DOCK3: variants seen among roughly 807,000 people sequenced by gnomAD.
The protein encoded by DOCK3 is dedicator of cytokinesis 3, also known as dedicator of cytokinesis protein 3.
A neutral mutation model predicts 265.6 loss-of-function variants in DOCK3; 60 were observed. That is an observed-to-expected ratio of 0.23 (90% CI 0.18 to 0.28). The LOEUF (loss-of-function observed/expected upper bound fraction) is 0.28, where lower values mean the gene tolerates loss of function less well. Among genes scored for constraint, DOCK3 ranks in the 10% least tolerant of loss-of-function variants. The pLI, the probability that DOCK3 is intolerant of heterozygous loss-of-function variation, is 1.00. For missense variants in DOCK3, 1,981 were observed against 2,594.3 expected, an observed-to-expected ratio of 0.76 and a Z score of 5.14; for synonymous variants, 881 against 938.0, an observed-to-expected ratio of 0.94 and a Z score of 1.11.
chr3:51,030,036 G>A (rs924426339), intron 5 of DOCK3, among the ~76,000 whole-genome samples: 2 of 152,026 alleles, frequency 1.3e-5, no homozygotes, highest in Non-Finnish European at 2.9e-5. Context: ...GAGGGGGAAG[G>A]GGAGGAGGAA....
At chr3:51,131,291 G>T (rs897505232) in intron 9 of DOCK3, among the ~76,000 whole-genome samples, 2 of 152,028 alleles carry the variant, frequency 1.3e-5, no homozygotes. Context: ...TGACATTTTG[G>T]GTCCCCTGGA....
intron 5 of DOCK3, among the ~76,000 whole-genome samples, chr3:50,979,013 G>T (rs908813657): frequency 6.6e-6 from 1 of 152,188 alleles, no homozygotes; most frequent in Non-Finnish European, 1.5e-5. Flanking sequence ...CTCGCGTACG[G>T]TGCGCACACC....
chr3:51,097,356 G>A (rs548014882), intron 9 of DOCK3, among the ~76,000 whole-genome samples: 2 of 152,326 alleles, frequency 1.3e-5, no homozygotes, highest in African/African-American at 4.8e-5. Context: ...TTTGAGGAGC[G>A]CAGTGGGCTC....
chr3:50,873,646 C>G (rs183173026), intron 3 of DOCK3, among the ~76,000 whole-genome samples: 52 of 152,318 alleles, frequency 3.4e-4, no homozygotes, highest in Admixed American at 8.5e-4. Context: ...GTGGCCTAAA[C>G]TGCCTTTTAA....
intron 5 of DOCK3, among the ~76,000 whole-genome samples, chr3:51,061,581 A>T (rs1414290452): frequency 6.6e-6 from 1 of 151,732 alleles, no homozygotes; most frequent in African/African-American, 2.4e-5. Context: ...GAGAGGGGGG[A>T]GGGATAGCAT....
chr3:51,032,452 G>T (rs1039617306), intron 5 of DOCK3, among the ~76,000 whole-genome samples: 1 of 151,988 alleles, frequency 6.6e-6, no homozygotes, highest in African/African-American at 2.4e-5. Context: ...TGGTATTCTT[G>T]TTTTGAAGTT....
chr3:50,989,634 C>G (rs1053681268), intron 5 of DOCK3, among the ~76,000 whole-genome samples: 2 of 146,482 alleles, frequency 1.4e-5, no homozygotes, highest in Non-Finnish European at 3.0e-5. Context: ...GTGAAAACAT[C>G]CAGAAAAGTC....
At chr3:50,687,769 A>T (rs1227867465) in intron 1 of DOCK3, among the ~76,000 whole-genome samples, 1 of 152,182 alleles carries the variant, frequency 6.6e-6, no homozygotes, top group African/African-American at 2.4e-5. Context: ...CATTCCATCT[A>T]TGCATATACT....
At chr3:51,238,550 T>A (rs2078451516) in intron 21 of DOCK3, among the ~76,000 whole-genome samples, 1 of 152,182 alleles carries the variant, frequency 6.6e-6, no homozygotes, top group Non-Finnish European at 1.5e-5. Context: ...GATTATTTCA[T>A]CACCTAGGTA....
intron 1 of DOCK3, among the ~76,000 whole-genome samples, chr3:50,694,651 A>T (rs2035488556): frequency 6.6e-6 from 1 of 152,092 alleles, no homozygotes; most frequent in Non-Finnish European, 1.5e-5. Context: ...TCTACTAAAA[A>T]AATACAAAAA....
At chr3:51,297,261 T>G (rs1455142910) in intron 27 of DOCK3, among the ~76,000 whole-genome samples, 1 of 152,032 alleles carries the variant, frequency 6.6e-6, no homozygotes, top group African/African-American at 2.4e-5. Flanking sequence ...GAAAATGTAG[T>G]ATATCTTGTT....
chr3:51,229,417 C>T (rs1346786232), intron 18 of DOCK3, 95 bp from the exon 19 acceptor site: 2 of 855,996 alleles, frequency 2.3e-6, no homozygotes, highest in African/African-American at 1.8e-5. Flanking sequence ...TACAACCGCA[C>T]TCCAGCCTGG....
chr3:51,297,499 C>T (rs781597525), intron 27 of DOCK3, among the ~76,000 whole-genome samples: 2 of 152,030 alleles, frequency 1.3e-5, no homozygotes, highest in Admixed American at 6.6e-5. Flanking sequence ...ATAGAAAACT[C>T]AATTTAAAAA....
intron 5 of DOCK3, among the ~76,000 whole-genome samples, chr3:50,971,542 G>C (rs1160611221): frequency 6.6e-6 from 1 of 152,114 alleles, no homozygotes; most frequent in Non-Finnish European, 1.5e-5. Flanking sequence ...AGGTTGGCGA[G>C]GTCTCAGGAA....
At chr3:50,883,647 G>T (rs942729905) in intron 3 of DOCK3, among the ~76,000 whole-genome samples, 21 of 151,818 alleles carry the variant, frequency 1.4e-4, no homozygotes, top group African/African-American at 4.4e-4. Flanking sequence ...TTTTCTTTCA[G>T]CATTTGACAA....
chr3:50,829,744 G>C (rs1260118195), intron 2 of DOCK3, among the ~76,000 whole-genome samples: 1 of 152,118 alleles, frequency 6.6e-6, no homozygotes. Flanking sequence ...AGAACCAGAA[G>C]TTCACAAATA....
chr3:50,967,476 ATC>A (rs2077067168), intron 5 of DOCK3, among the ~76,000 whole-genome samples: 1 of 152,138 alleles, frequency 6.6e-6, no homozygotes, highest in Non-Finnish European at 1.5e-5. Flanking sequence ...GAGTGCCAGT[ATC>A]TTTTAGATTG....
rs2079220425 is a variant in DOCK3, at chr3:51,016,251, A to ATATAT, written c.316-48197_316-48196insTATAT. 2.8e-3 allele frequency among the ~76,000 whole-genome samples: 6 copies of ATATAT among 2,166 alleles called. 3 individuals are homozygous for ATATAT. The highest frequency in any genetic ancestry group is 0.026 in the African/African-American group (4 of 152). The allele number at this position is 2,166 out of a possible 152,430, so 1.4% of individuals were successfully genotyped here. On this transcript the variant is annotated intron_variant, in intron 5 of 52. Transcript: ENST00000266037. The stretch of plus-strand genomic sequence containing the variant: ...TCATATATTTCTACATATATATATC[A>ATATAT]ATCATATATTTCTACATATATATCA...
At chr3:51,348,784 G>A (rs114310066) in intron 38 of DOCK3, 68 bp from the exon 39 acceptor site, 38,060 of 1,455,932 alleles carry the variant, frequency 0.026, 556 homozygotes, top group Middle Eastern at 0.041. Context: ...GTCTTCTGAT[G>A]TGTTTAATGT....
Sources: allele counts gnomAD v4.1 joint callset (sites outside exome capture counted in the v4.1 genomes callset), GRCh38; gene constraint gnomAD v4.1.1; transcripts MANE v1.5; gene names NCBI Gene and HGNC (gene_info 2026-07-23, HGNC 2026-07-21).